The following PPP1R1C variants were observed in gnomAD, a reference collection of about 807,000 sequenced individuals.
The protein encoded by PPP1R1C is protein phosphatase 1 regulatory inhibitor subunit 1C.
In PPP1R1C, 15 loss-of-function variants were observed where a neutral mutation model predicts 17.4. The ratio of observed to expected loss-of-function variants is 0.86; its 90% confidence interval spans 0.58 to 1.33. The LOEUF (loss-of-function observed/expected upper bound fraction) is 1.33. PPP1R1C is among the 40% of genes most tolerant of loss of function. The pLI is 0.00. For missense variants in PPP1R1C, 143 were observed against 130.0 expected, an observed-to-expected ratio of 1.10 and a Z score of -0.48; for synonymous variants, 35 against 43.1, an observed-to-expected ratio of 0.81 and a Z score of 0.73.
chr2:182,002,846 C>T (rs201582732), intron 2 of PPP1R1C, among the ~76,000 whole-genome samples: 1 of 151,696 alleles, frequency 6.6e-6, no homozygotes, highest in African/African-American at 2.4e-5. Flanking sequence ...TATAAGATCA[C>T]CCCCTAGTAT....
At chr2:181,970,134 A>G (rs1684978172) in intron 1 of PPP1R1C, among the ~76,000 whole-genome samples, 1 of 145,416 alleles carries the variant, frequency 6.9e-6, no homozygotes, top group Non-Finnish European at 1.5e-5. Flanking sequence ...TGCCTTATTT[A>G]GTTTTTTTTT....
intron 2 of PPP1R1C, among the ~76,000 whole-genome samples, chr2:182,017,507 G>T (rs1686294978): frequency 6.6e-6 from 1 of 152,054 alleles, no homozygotes. Context: ...TGATTTTAGA[G>T]TTAGGTAAGA....
intron 2 of PPP1R1C, among the ~76,000 whole-genome samples, chr2:182,021,334 T>C (rs1305693403): frequency 2.1e-5 from 3 of 144,304 alleles, no homozygotes; most frequent in Admixed American, 1.4e-4. Flanking sequence ...TTTTTTTTTT[T>C]TTTTTTTTTT....
intron 2 of PPP1R1C, among the ~76,000 whole-genome samples, chr2:182,017,870 T>C (rs1198197684): frequency 3.3e-5 from 5 of 152,160 alleles, no homozygotes; most frequent in Non-Finnish European, 7.4e-5. Flanking sequence ...ATTTCTGGGA[T>C]AAGTCAACAA....
intron 2 of PPP1R1C, among the ~76,000 whole-genome samples, chr2:182,018,624 T>G (rs978571524): frequency 2.0e-5 from 3 of 152,192 alleles, no homozygotes; most frequent in Non-Finnish European, 2.9e-5. Flanking sequence ...TGAATTTCTC[T>G]TGCAAAATAA....
intron 2 of PPP1R1C, among the ~76,000 whole-genome samples, chr2:182,006,797 T>C (rs1685936801): frequency 6.6e-6 from 1 of 152,202 alleles, no homozygotes; most frequent in South Asian, 2.1e-4. Context: ...TCCTAAAGTC[T>C]TGAGCAATTA....
chr2:182,118,865 C>T (rs1689656532), downstream of PPP1R1C, among the ~76,000 whole-genome samples: 1 of 151,560 alleles, frequency 6.6e-6, no homozygotes, highest in Non-Finnish European at 1.5e-5. Flanking sequence ...CCTTCTCCCT[C>T]TCCTTCTCTG....
At chr2:182,072,152 A>G (rs919194976) in intron 4 of PPP1R1C, among the ~76,000 whole-genome samples, 5 of 152,208 alleles carry the variant, frequency 3.3e-5, no homozygotes, top group Non-Finnish European at 5.9e-5. Flanking sequence ...CACTCCACTC[A>G]TACTAATGCT....
At chr2:181,960,549 T>C (rs1024917951) in intron 1 of PPP1R1C, among the ~76,000 whole-genome samples, 2 of 152,332 alleles carry the variant, frequency 1.3e-5, no homozygotes, top group Non-Finnish European at 2.9e-5. Flanking sequence ...ATGAAACGTT[T>C]TCCATCCTCC....
intron 2 of PPP1R1C, among the ~76,000 whole-genome samples, chr2:182,011,500 C>T (rs1040744650): frequency 6.6e-6 from 1 of 151,930 alleles, no homozygotes; most frequent in African/African-American, 2.4e-5. Flanking sequence ...TTTGAATCTT[C>T]TGTCTTTTTT....
chr2:182,117,320 T>G lies in PPP1R1C; in HGVS notation c.*25T>G. On this transcript the variant is annotated 3_prime_UTR_variant, in exon 5 of 5. Coordinates refer to ENST00000682840, the MANE Select transcript of PPP1R1C (RefSeq NM_001080545.3). The stretch of plus-strand genomic sequence containing the variant: ...ATTACTGGTCTGCAGCAAGAAGGCT[T>G]CTTGGAAATAACTGAACTATTAACT... The G allele has an allele frequency of 6.7e-7, 1 of 1,481,838 alleles. No individual in the cohort carries two copies. The highest frequency in any genetic ancestry group is 9.1e-7 in the Non-Finnish European group (1 of 1,093,940). The allele number at this position is 1,481,838 out of a possible 1,614,324, so 91.8% of individuals were successfully genotyped here.
At position 182,061,471 on chromosome 2, in the gene PPP1R1C, C is replaced by G; in HGVS notation, c.172C>G (p.Gln58Glu). ...AGATGACAAGAGGGGGCCCAACACA[C>G]AAGGGGAAGTAAGTTTTTAAAAATA... is the stretch of plus-strand genomic sequence containing the variant. ...EIDDKRGPNT[Q>E]GELQNASPKQ... The change falls in exon 3 of 5, where the codon CAA (glutamine) becomes GAA (glutamate). Residue 58 changes from glutamine (Q) to glutamate (E), a missense_variant. Physicochemically the swap from Gln to Glu is conservative, Grantham distance 29 (BLOSUM62 2). Coordinates refer to ENST00000682840, the MANE Select transcript of PPP1R1C (RefSeq NM_001080545.3). 6.8e-7 allele frequency: 1 copy of G among 1,465,006 alleles called. No homozygotes were observed. The highest frequency in any genetic ancestry group is 9.0e-7 in the Non-Finnish European group (1 of 1,110,376). 90.8% of individuals were successfully genotyped at this position (1,465,006 alleles called of 1,614,324 possible).
intron 4 of PPP1R1C, among the ~76,000 whole-genome samples, chr2:182,106,183 G>A (rs76120988): frequency 0.03 from 4,616 of 152,304 alleles, 128 homozygotes; most frequent in African/African-American, 0.066. Context: ...GAGAAGGGCT[G>A]TGTCCCTAGC....
At chr2:182,036,179 C>A (rs1248598736) in intron 2 of PPP1R1C, among the ~76,000 whole-genome samples, 2 of 152,158 alleles carry the variant, frequency 1.3e-5, no homozygotes, top group Non-Finnish European at 2.9e-5. Context: ...TTCTTACAAT[C>A]TCTGTAACTC....
chr2:182,084,149 T>C (rs984363688), intron 4 of PPP1R1C, among the ~76,000 whole-genome samples: 1 of 152,132 alleles, frequency 6.6e-6, no homozygotes, highest in African/African-American at 2.4e-5. Flanking sequence ...TTGAATTTCT[T>C]GCAGAGTCTT....
intron 2 of PPP1R1C, among the ~76,000 whole-genome samples, chr2:182,041,349 C>T (rs1473432649): frequency 6.6e-6 from 1 of 152,094 alleles, no homozygotes; most frequent in African/African-American, 2.4e-5. Flanking sequence ...TAGCTCACGC[C>T]TGTAATCCCA....
At chr2:181,968,532 C>A (rs1052317598) in intron 1 of PPP1R1C, among the ~76,000 whole-genome samples, 3 of 151,986 alleles carry the variant, frequency 2.0e-5, no homozygotes, top group Admixed American at 6.5e-5. Context: ...TTTTGGTTTC[C>A]ATTTACATGG....
intron 2 of PPP1R1C, among the ~76,000 whole-genome samples, chr2:182,024,908 G>A (rs147649338): frequency 0.013 from 1,878 of 148,420 alleles, 19 homozygotes; most frequent in South Asian, 0.04. Flanking sequence ...TAGCAATATC[G>A]TGGATAGTAG....
chr2:182,046,029 A>G (rs1687333160), intron 2 of PPP1R1C, among the ~76,000 whole-genome samples: 1 of 152,140 alleles, frequency 6.6e-6, no homozygotes, highest in African/African-American at 2.4e-5. Flanking sequence ...GTTTACTACA[A>G]TCAAGCAAAT....
Sources: allele counts gnomAD v4.1 joint callset (sites outside exome capture counted in the v4.1 genomes callset), GRCh38; gene constraint gnomAD v4.1.1; transcripts MANE v1.5; gene names NCBI Gene and HGNC (gene_info 2026-07-23, HGNC 2026-07-21).